Variants in ZNF385D observed in about 807,000 individuals in gnomAD.
ZNF385D encodes zinc finger protein 659.
Under a neutral mutation model 35.8 loss-of-function variants are expected in ZNF385D, and 15 were observed. The observed-to-expected ratio is 0.42, with a 90% CI of 0.28 to 0.64. The LOEUF (loss-of-function observed/expected upper bound fraction) is 0.64. Among genes scored for constraint, ZNF385D ranks in the 30% least tolerant of loss-of-function variants. The probability of loss-of-function intolerance (pLI) is 0.23; values close to 1 mark genes in which losing one functional copy is unlikely to be tolerated. For synonymous variants in ZNF385D, 212 were observed against 186.8 expected (o/e 1.13, Z -1.10); for missense variants, 474 against 494.6 (o/e 0.96, Z 0.39).
chr3:21,449,760 T>C (rs1361879569), intron 4 of ZNF385D, among the ~76,000 whole-genome samples: 1 of 152,210 alleles, frequency 6.6e-6, no homozygotes, highest in Non-Finnish European at 1.5e-5. Flanking sequence ...AGCCTTATCA[T>C]GGATGTGAGA....
At chr3:21,649,678 C>T (rs1459172258) in intron 2 of ZNF385D, among the ~76,000 whole-genome samples, 3 of 152,026 alleles carry the variant, frequency 2.0e-5, no homozygotes, top group East Asian at 3.9e-4. Flanking sequence ...AATGCAAAAC[C>T]GGATATAATT....
chr3:21,577,438 T>G (rs1319771995), intron 2 of ZNF385D, among the ~76,000 whole-genome samples: 1 of 152,228 alleles, frequency 6.6e-6, no homozygotes, highest in Non-Finnish European at 1.5e-5. Context: ...ATTCCGTATC[T>G]TAGCTATTGT....
intron 2 of ZNF385D, among the ~76,000 whole-genome samples, chr3:22,289,888 A>C (rs751935345): frequency 4.6e-5 from 7 of 152,170 alleles, no homozygotes; most frequent in Non-Finnish European, 8.8e-5. Context: ...ATAGTATGTC[A>C]GCTCAGTTAA....
chr3:21,774,500 T>G (rs1341750140), intron 3 of ZNF385D, among the ~76,000 whole-genome samples: 2 of 151,686 alleles, frequency 1.3e-5, no homozygotes, highest in African/African-American at 2.4e-5. Context: ...TGGAGGCCAA[T>G]GGGATGCTCT....
At chr3:21,876,499 A>T (rs9825409) in intron 3 of ZNF385D, among the ~76,000 whole-genome samples, 5,282 of 151,826 alleles carry the variant, frequency 0.035, 344 homozygotes, top group African/African-American at 0.12. Context: ...TAAGAATGAC[A>T]CTAAAGGCTG....
intron 2 of ZNF385D, among the ~76,000 whole-genome samples, chr3:22,200,923 G>A (rs191954257): frequency 5.9e-5 from 9 of 152,260 alleles, no homozygotes; most frequent in African/African-American, 2.2e-4. Flanking sequence ...CCTCAACACT[G>A]CTGTTACCCT....
At chr3:21,608,013 T>TTC (rs200649220) in intron 2 of ZNF385D, among the ~76,000 whole-genome samples, 8 of 59,862 alleles carry the variant, frequency 1.3e-4, no homozygotes, top group African/African-American at 3.4e-4. Flanking sequence ...CTTTTTCTTC[T>TTC]TTTTTTTTTG....
intron 2 of ZNF385D, among the ~76,000 whole-genome samples, chr3:22,339,900 T>C (rs1407889074): frequency 6.6e-6 from 1 of 152,216 alleles, no homozygotes; most frequent in Non-Finnish European, 1.5e-5. Flanking sequence ...TCCTACTCAG[T>C]TTCTCCACCT....
intron 3 of ZNF385D, among the ~76,000 whole-genome samples, chr3:22,094,351 G>C (rs555554464): frequency 5.9e-5 from 5 of 84,296 alleles, no homozygotes; most frequent in Middle Eastern, 8.6e-3. Flanking sequence ...GAAATGTGCA[G>C]GCATTTTACC....
At chr3:22,073,085 G>C (rs1700303361) in intron 3 of ZNF385D, among the ~76,000 whole-genome samples, 1 of 151,902 alleles carries the variant, frequency 6.6e-6, no homozygotes, top group Non-Finnish European at 1.5e-5. Context: ...GAAAAATGTA[G>C]CAATCCATAA....
intron 2 of ZNF385D, among the ~76,000 whole-genome samples, chr3:22,272,840 T>C (rs1272378492): frequency 6.6e-6 from 1 of 152,022 alleles, no homozygotes; most frequent in African/African-American, 2.4e-5. Flanking sequence ...TATAGACATG[T>C]GCTAAAATGT....
chr3:21,945,834 T>C (rs1056431846), intron 3 of ZNF385D, among the ~76,000 whole-genome samples: 2 of 152,214 alleles, frequency 1.3e-5, no homozygotes, highest in Admixed American at 1.3e-4. Flanking sequence ...ACTCATATTA[T>C]GTGTTTATAC....
At chr3:21,434,627 G>C (rs9838377) in intron 5 of ZNF385D, among the ~76,000 whole-genome samples, 22,978 of 152,066 alleles carry the variant, frequency 0.15, 2,294 homozygotes, top group East Asian at 0.32. Flanking sequence ...TGGATCTGAA[G>C]ATCAAAAATG....
Position 21,979,294 on chromosome 3 carries a change from T to C in ZNF385D, c.325+189523A>G, listed in dbSNP as rs140574115. Among the ~76,000 whole-genome samples the C allele has an allele frequency of 7.8e-3, 1,193 of 152,310 alleles. 49 individuals are homozygous for C. The highest frequency in any genetic ancestry group is 0.07 in the Admixed American group (1,071 of 15,286). ...CAAAATTCTGTGCTATTATATTATG[T>C]ATATTTAACCCCACATGTCACTATT... is the stretch of plus-strand genomic sequence containing the variant. On this transcript the variant is annotated intron_variant, in intron 3 of 5. Transcript: ENST00000494108.
intron 3 of ZNF385D, among the ~76,000 whole-genome samples, chr3:22,088,915 T>TG: frequency 6.6e-6 from 1 of 152,072 alleles, no homozygotes; most frequent in East Asian, 1.9e-4. Flanking sequence ...GAAGCAGAGA[T>TG]GAAAAAAAAC....
intron 2 of ZNF385D, among the ~76,000 whole-genome samples, chr3:21,604,291 A>G (rs1178340300): frequency 6.6e-6 from 1 of 152,226 alleles, no homozygotes; most frequent in African/African-American, 2.4e-5. Flanking sequence ...AGATGCTTCA[A>G]AAGTGTCCTA....
chr3:21,522,189 C>T (rs1167442731), intron 3 of ZNF385D, among the ~76,000 whole-genome samples: 1 of 152,118 alleles, frequency 6.6e-6, no homozygotes, highest in Non-Finnish European at 1.5e-5. Flanking sequence ...CAAACTGACC[C>T]CATCTCAGGG....
At chr3:21,684,404 C>T (rs1334327430) in intron 1 of ZNF385D, among the ~76,000 whole-genome samples, 4 of 70,660 alleles carry the variant, frequency 5.7e-5, no homozygotes, top group South Asian at 5.8e-4. Context: ...CTCTCTCTCT[C>T]CTCTCTCTCT....
rs1559311810 is a variant in ZNF385D at position 21,460,392 on chromosome 3, CAGTG to C, written c.440-23193_440-23190del. Among the ~76,000 whole-genome samples the C allele has an allele frequency of 6.6e-5, 10 of 152,122 alleles. 1 individual carries two copies. In the South Asian group the frequency reaches 2.1e-3, roughly 32 times the overall value. On this transcript the variant is annotated intron_variant, in intron 4 of 7. Transcript: ENST00000281523. ...AAAAATAATATAAAGACCCATAAAA[CAGTG>C]GGTGGATAATGAATATTTGTCATTT... is the stretch of plus-strand genomic sequence containing the variant.
Sources: allele counts gnomAD v4.1 joint callset (sites outside exome capture counted in the v4.1 genomes callset), GRCh38; gene constraint gnomAD v4.1.1; transcripts MANE v1.5; gene names NCBI Gene and HGNC (gene_info 2026-07-23, HGNC 2026-07-21).